PDE4D: variants seen among roughly 807,000 people sequenced by gnomAD.
PDE4D encodes the protein 3',5'-cyclic-AMP phosphodiesterase 4D.
Under a neutral mutation model 87.4 loss-of-function variants are expected in PDE4D, and 24 were observed. That is an observed-to-expected ratio of 0.27 (90% CI 0.20 to 0.39). PDE4D has a LOEUF of 0.39. PDE4D is among the 10% of genes least tolerant of loss of function. The pLI is 1.00. For synonymous variants in PDE4D, 384 were observed against 383.2 expected, an observed-to-expected ratio of 1.00 and a Z score of -0.02; for missense variants, 714 against 1,041.0, an observed-to-expected ratio of 0.69 and a Z score of 4.32.
intron 1 of PDE4D, among the ~76,000 whole-genome samples, chr5:59,789,125 G>GA (rs1250595962): frequency 6.6e-6 from 1 of 152,214 alleles, no homozygotes; most frequent in Non-Finnish European, 1.5e-5. Flanking sequence ...AATATTTTAT[G>GA]AGAGAAGCGT....
At chr5:60,278,844 C>A (rs1332377532) in intron 1 of PDE4D, among the ~76,000 whole-genome samples, 1 of 152,094 alleles carries the variant, frequency 6.6e-6, no homozygotes, top group Non-Finnish European at 1.5e-5. Flanking sequence ...GCGTTTTTAT[C>A]ATGACTATTT....
intron 11 of PDE4D, among the ~76,000 whole-genome samples, chr5:58,980,994 A>G (rs924214692): frequency 3.3e-5 from 5 of 152,034 alleles, no homozygotes; most frequent in African/African-American, 1.2e-4. Context: ...CGAGAAAGCA[A>G]ATTGCCCTTC....
chr5:59,730,773 G>C (rs971451211), intron 1 of PDE4D, among the ~76,000 whole-genome samples: 18 of 152,124 alleles, frequency 1.2e-4, no homozygotes, highest in African/African-American at 3.4e-4. Context: ...TATAGACTTT[G>C]TGTGACTAAC....
chr5:60,063,026 A>G (rs1256512315), intron 2 of PDE4D, among the ~76,000 whole-genome samples: 23 of 151,460 alleles, frequency 1.5e-4, no homozygotes, highest in Non-Finnish European at 1.5e-5. Context: ...TGACACACAT[A>G]TACTGTGTAA....
Position 60,419,029 on chromosome 5 carries a change from T to C in PDE4D, c.-90+68913A>G, listed in dbSNP as rs188320210. Among the ~76,000 whole-genome samples, 54 of 152,300 alleles carry C rather than the reference T, an allele frequency of 3.5e-4. 2 individuals are homozygous for C. Among genetic ancestry groups the C allele is most frequent in the South Asian group, 4.1e-4 (2 of 4,824 alleles). ...AACAAAAAAGTCAGCATTCCTCCCA[T>C]ACATTTTTAACGAGGCTACAGCCAC... On this transcript the variant is annotated intron_variant, in intron 1 of 16. Transcript: ENST00000502484.
chr5:60,222,921 T>C (rs961827010), intron 1 of PDE4D, among the ~76,000 whole-genome samples: 3 of 152,286 alleles, frequency 2.0e-5, no homozygotes, highest in Middle Eastern at 3.4e-3. Flanking sequence ...GTGAGCTCTT[T>C]TAAAGATATG....
At chr5:60,049,496 T>G (rs879255813) in intron 2 of PDE4D, among the ~76,000 whole-genome samples, 1 of 152,222 alleles carries the variant, frequency 6.6e-6, no homozygotes, top group Non-Finnish European at 1.5e-5. Context: ...TTTTTGTGGT[T>G]TTATCTACTA....
chr5:59,517,312 C>T (rs1470521778), intron 1 of PDE4D, among the ~76,000 whole-genome samples: 5 of 152,024 alleles, frequency 3.3e-5, no homozygotes, highest in Non-Finnish European at 5.9e-5. Flanking sequence ...TTTTTGTAAA[C>T]GAAGTATTAG....
At chr5:59,597,320 C>T (rs1826840646) in intron 1 of PDE4D, among the ~76,000 whole-genome samples, 1 of 152,120 alleles carries the variant, frequency 6.6e-6, no homozygotes, top group South Asian at 2.1e-4. Flanking sequence ...GATCAAGTGG[C>T]TTAAATTAAA....
At chr5:59,327,904 A>G (rs1323726834) in intron 1 of PDE4D, among the ~76,000 whole-genome samples, 1 of 152,160 alleles carries the variant, frequency 6.6e-6, no homozygotes, top group Non-Finnish European at 1.5e-5. Context: ...AGCTCTGTAT[A>G]TTCTAGAGGT....
chr5:59,915,502 C>T (rs908206604), intron 3 of PDE4D, among the ~76,000 whole-genome samples: 1 of 152,210 alleles, frequency 6.6e-6, no homozygotes, highest in Non-Finnish European at 1.5e-5. Context: ...TGGCAGCTGT[C>T]AGCTTCAGCA....
chr5:59,178,437 T>C lies in PDE4D; in HGVS notation c.808+2158A>G, dbSNP rs569896877. 2.6e-5 allele frequency among the ~76,000 whole-genome samples: 4 copies of C among 152,302 alleles called. No individual in the cohort carries two copies. The East Asian group carries it at 7.7e-4, about 29-fold the overall frequency. ...GGGTACGAATGAGGCCATATTCACC[T>C]TAATTTCTTAATTTCTGTGGCTCAT... On this transcript the variant is annotated intron_variant, in intron 5 of 14. Transcript: ENST00000340635.
chr5:60,114,117 C>T (rs556013220), intron 2 of PDE4D, among the ~76,000 whole-genome samples: 136 of 152,180 alleles, frequency 8.9e-4, no homozygotes, highest in African/African-American at 2.1e-3. Context: ...ATGCTCCACC[C>T]GATTCGGTGA....
intron 1 of PDE4D, among the ~76,000 whole-genome samples, chr5:59,725,886 T>C (rs772617631): frequency 6.6e-6 from 1 of 152,062 alleles, no homozygotes; most frequent in Non-Finnish European, 1.5e-5. Context: ...AAAGAAGACA[T>C]TGATTTGAAT....
intron 1 of PDE4D, among the ~76,000 whole-genome samples, chr5:60,387,863 G>A (rs1157433936): frequency 1.3e-5 from 2 of 152,074 alleles, no homozygotes; most frequent in Non-Finnish European, 2.9e-5. Flanking sequence ...GATCCCATAG[G>A]TTGAGGGCTC....
chr5:59,296,860 T>C (rs1463347712), intron 1 of PDE4D, among the ~76,000 whole-genome samples: 1 of 152,110 alleles, frequency 6.6e-6, no homozygotes. Context: ...AGCTACCATA[T>C]GATAGCTTAA....
At chr5:59,316,401 A>C (rs970036467) in intron 1 of PDE4D, among the ~76,000 whole-genome samples, 1 of 152,162 alleles carries the variant, frequency 6.6e-6, no homozygotes, top group Non-Finnish European at 1.5e-5. Context: ...TAGCTGAAAC[A>C]GTTGATAATC....
chr5:60,136,896 T>A (rs541920253), intron 2 of PDE4D, among the ~76,000 whole-genome samples: 4 of 152,224 alleles, frequency 2.6e-5, no homozygotes, highest in African/African-American at 9.6e-5. Context: ...GCTGCATAGA[T>A]CATCCCATTA....
At chr5:59,771,923 A>G (rs1036407981) in intron 1 of PDE4D, among the ~76,000 whole-genome samples, 6 of 152,248 alleles carry the variant, frequency 3.9e-5, no homozygotes, top group Non-Finnish European at 8.8e-5. Context: ...AGCAGGATTG[A>G]GAGTTTCTTT....
Sources: allele counts gnomAD v4.1 joint callset (sites outside exome capture counted in the v4.1 genomes callset), GRCh38; gene constraint gnomAD v4.1.1; transcripts MANE v1.5; gene names NCBI Gene and HGNC (gene_info 2026-07-23, HGNC 2026-07-21).